PIGG: variants seen among roughly 807,000 people sequenced by gnomAD.
PIGG encodes phosphatidylinositol glycan anchor biosynthesis class G (EMM blood group).
In PIGG, 70 loss-of-function variants were observed where a neutral mutation model predicts 83.2. The ratio of observed to expected loss-of-function variants is 0.84; its 90% CI spans 0.69 to 1.03. PIGG has a LOEUF of 1.03. Ranked by LOEUF, PIGG falls within the 50% of genes least tolerant of loss-of-function variation. The pLI, the probability that PIGG is intolerant of heterozygous loss-of-function variation, is 0.00. For synonymous variants in PIGG, 532 were observed against 519.5 expected, an observed-to-expected ratio of 1.02 and a Z score of -0.33; for missense variants, 1,257 against 1,233.6, an observed-to-expected ratio of 1.02 and a Z score of -0.28.
chr4:521,562 T>G (rs996914095), intron 7 of PIGG, 98 bp from the exon 8 acceptor site: 3 of 1,149,628 alleles, frequency 2.6e-6, no homozygotes, highest in Non-Finnish European at 3.7e-6. Flanking sequence ...CTGTTTTTAC[T>G]GTGTGGACAG....
At chr4:525,045 C>T (rs1040093003) in intron 9 of PIGG, 12 of 206,578 alleles carry the variant, frequency 5.8e-5, no homozygotes, top group Admixed American at 2.0e-4. Flanking sequence ...TGCTGATGAT[C>T]CCCAGGGCAG....
intron 10 of PIGG, chr4:527,977 G>A: frequency 1.0e-6 from 1 of 985,430 alleles, no homozygotes; most frequent in Non-Finnish European, 1.2e-6. Context: ...GTCCACTGAA[G>A]TGTCCTTCAC....
chr4:535,551 G>A (rs2109047485), intron 12 of PIGG, among the ~76,000 whole-genome samples: 1 of 144,876 alleles, frequency 6.9e-6, no homozygotes, highest in African/African-American at 2.7e-5. Context: ...GTGACCGGAG[G>A]CCCCAGTCCT....
In PIGG at chr4:523,443, A is replaced by G. The variant is rs1210694446; in HGVS notation, c.1615-16A>G. ...TATCAGACCGTCTCTTACAAAGTGC[A>G]CTTTCCTTTTCACAGAACCCCATGC... On this transcript the variant is annotated splice_polypyrimidine_tract_variant and intron_variant, in intron 8 of 12. Transcript: ENST00000453061. The G allele has an allele frequency of 5.1e-6, 8 of 1,573,076 alleles. No homozygotes were observed. The highest frequency in any genetic ancestry group is 1.4e-5 in the African/African-American group (1 of 73,858).
intron 4 of PIGG, 83 bp downstream of exon 4, chr4:507,676 C>A: frequency 1.6e-6 from 2 of 1,230,574 alleles, no homozygotes; most frequent in African/African-American, 1.5e-5. Flanking sequence ...CTGAGTTATT[C>A]AGGGTGCCTG....
At chr4:499,816 C>G in intron 1 of PIGG, 1 of 961,242 alleles carries the variant, frequency 1.0e-6, no homozygotes, top group Middle Eastern at 4.1e-4. Context: ...GGGTCACTCC[C>G]CGTTATAGGC....
rs755952808 is a variant in PIGG at position 527,159 on chromosome 4, C to T, written c.2190C>T (p.Gly730=). ...SKAALALGLL[G]VYCYRAAIGS... is the part of the protein sequence containing the mutation. ...CTGCCCTGGCGCTGGGGCTGCTGGG[C>T]GTCTACTGCTACCGGGCGGCCATCG... Residue 730 remains glycine, a synonymous_variant, in exon 10 of 13, where the codon GGC becomes GGT. Coordinates refer to ENST00000453061, the MANE Select transcript of PIGG (RefSeq NM_001127178.3). 4.3e-6 allele frequency: 7 copies of T among 1,613,856 alleles called. No homozygotes were observed. The highest frequency in any genetic ancestry group is 4.5e-5 in the East Asian group (2 of 44,878).
At position 521,246 on chromosome 4, in the gene PIGG, G is replaced by A; in HGVS notation, c.1305G>A (p.Met435Ile). ...TGGCCCAGTACGACATCTATTCGAT[G>A]ATGGTGGGGACTGTCGTGGTTTTGG... ...AQVAQYDIYS[M>I]MVGTVVVLEV... Residue 435 changes from methionine to isoleucine, a missense_variant, in exon 7 of 13, where the codon ATG (methionine) becomes ATA (isoleucine). By Grantham distance (10) the Met-to-Ile change is conservative. Coordinates refer to ENST00000453061, the MANE Select transcript of PIGG (RefSeq NM_001127178.3). The A allele has an allele frequency of 6.2e-7, 1 of 1,613,884 alleles. No homozygotes were observed. Among genetic ancestry groups the A allele is most frequent in the Non-Finnish European group, 8.5e-7 (1 of 1,179,762 alleles).
Position 515,736 on chromosome 4 carries a change from G to A in PIGG, c.902-237G>A, listed in dbSNP as rs762570883. 1.3e-5 allele frequency among the ~76,000 whole-genome samples: 2 copies of A among 152,244 alleles called. No individual in the cohort carries two copies. Among genetic ancestry groups the A allele is most frequent in the Non-Finnish European group, 2.9e-5 (2 of 68,040 alleles). On this transcript the variant is annotated intron_variant, in intron 5 of 12. Transcript: ENST00000453061. This position sits in a 1 kb window ranked among gnomAD's most constrained non-coding sequence, Gnocchi z 4.2. ...TTACTGTATGGAATTCCTCACATGA[G>A]CCTCTCTCGCAGCCTGTTGCAGGCT...
intron 1 of PIGG, 86 bp downstream of exon 1, chr4:499,575 T>A: frequency 6.9e-7 from 1 of 1,457,798 alleles, no homozygotes; most frequent in Non-Finnish European, 9.0e-7. Flanking sequence ...CTCGGATTTC[T>A]TCTCGGCGCT....
chr4:517,131 G>T (rs1724172684), intron 6 of PIGG, among the ~76,000 whole-genome samples: 1 of 152,146 alleles, frequency 6.6e-6, no homozygotes, highest in Admixed American at 6.5e-5. Context: ...GTTAAATGGG[G>T]AGCTGCTGCA....
intron 3 of PIGG, 118 bp from the exon 4 acceptor site, chr4:507,287 C>T (rs1386768920): frequency 6.4e-6 from 5 of 784,810 alleles, no homozygotes; most frequent in Non-Finnish European, 1.1e-5. Context: ...TTCAACTCCC[C>T]CAAATCCTGT....
intron 4 of PIGG, 40 bp from the exon 5 acceptor site, chr4:508,789 A>C (rs1553881383): frequency 6.2e-7 from 1 of 1,600,364 alleles, no homozygotes; most frequent in East Asian, 2.2e-5. Context: ...TGCTCTCTTC[A>C]GTCTGAACGC....
At position 539,608 on chromosome 4, in the gene PIGG, G is replaced by A. The variant is rs902366110; in HGVS notation, c.*239G>A. ...TTTAATTTCCTCTGAATAAGCTATG[G>A]TGTGACCCAAATATGTGTGTTTAAA... is the stretch of plus-strand genomic sequence containing the variant. On this transcript the variant is annotated 3_prime_UTR_variant, in exon 13 of 13. Transcript: ENST00000453061. 15 of 482,848 alleles carry A rather than the reference G, an allele frequency of 3.1e-5. No individual in the cohort carries two copies. The highest frequency in any genetic ancestry group is 7.4e-6 in the Non-Finnish European group (2 of 270,022). 29.9% of individuals were successfully genotyped at this position (482,848 alleles called of 1,614,324 possible). A position where few individuals can be genotyped will look rare whatever the true frequency, so the allele number is the denominator to read the frequency against.
In PIGG at chr4:527,165, C is replaced by T. The variant is rs563896993; in HGVS notation, c.2196C>T (p.Tyr732=). ...TGGCGCTGGGGCTGCTGGGCGTCTA[C>T]TGCTACCGGGCGGCCATCGGGAGTG... ...AALALGLLGV[Y]CYRAAIGSVR... Residue 732 remains tyrosine (Y), a synonymous_variant, in exon 10 of 13, where the codon TAC becomes TAT. Transcript: ENST00000453061. 2.5e-6 allele frequency: 4 copies of T among 1,613,840 alleles called. No homozygotes were observed. Among genetic ancestry groups the T allele is most frequent in the Non-Finnish European group, 2.5e-6 (3 of 1,179,924 alleles).
At position 534,000 on chromosome 4, in the gene PIGG, G is replaced by A. The variant is rs769095158; in HGVS notation, c.2735+19G>A. 2.7e-5 allele frequency: 43 copies of A among 1,611,114 alleles called. No homozygotes were observed. Among genetic ancestry groups the A allele is most frequent in the Middle Eastern group, 1.7e-4 (1 of 6,052 alleles). On this transcript the variant is annotated intron_variant, in intron 12 of 12. Coordinates refer to ENST00000453061, the MANE Select transcript of PIGG (RefSeq NM_001127178.3). Reference sequence around the variant, plus strand: ...CACGCAGGTGAGGCGCCTCTCTGCCGTCAGCACAGTTCTGGGGGCCGGCTG... The same window carrying A: ...CACGCAGGTGAGGCGCCTCTCTGCCATCAGCACAGTTCTGGGGGCCGGCTG...
chr4:524,235 G>A (rs1324679916), intron 9 of PIGG, among the ~76,000 whole-genome samples: 1 of 152,220 alleles, frequency 6.6e-6, no homozygotes, highest in Admixed American at 6.5e-5. Flanking sequence ...CTTGCTAGTG[G>A]CTTGTTCTGG....
intron 5 of PIGG, among the ~76,000 whole-genome samples, chr4:509,631 C>G (rs1721203831): frequency 6.6e-6 from 1 of 152,282 alleles, no homozygotes; most frequent in Admixed American, 6.5e-5. Flanking sequence ...CTCACTGACC[C>G]TTCAGCACCC....
At chr4:518,951 G>A (rs567298598) in intron 6 of PIGG, among the ~76,000 whole-genome samples, 26 of 152,254 alleles carry the variant, frequency 1.7e-4, no homozygotes, top group African/African-American at 5.8e-4. Flanking sequence ...TAGTGGGACC[G>A]GCTTTTTCTC....
Sources: allele counts gnomAD v4.1 joint callset (sites outside exome capture counted in the v4.1 genomes callset), GRCh38; gene constraint gnomAD v4.1.1; non-coding constraint Gnocchi (gnomAD v3.1); transcripts MANE v1.5; gene names NCBI Gene and HGNC (gene_info 2026-07-23, HGNC 2026-07-21).